Variants in KIF24 observed in about 807,000 individuals in gnomAD.
KIF24 encodes kinesin family member 24, also known as kinesin-like protein KIF24.
KIF24 carries 81 observed loss-of-function variants against 118.9 expected under a neutral mutation model. The observed-to-expected ratio is 0.68, with a 90% confidence interval of 0.57 to 0.82. The LOEUF (loss-of-function observed/expected upper bound fraction) is 0.82, where lower values mean the gene tolerates loss of function less well. KIF24 is among the 40% of genes least tolerant of loss of function. The probability of loss-of-function intolerance (pLI) is 0.00; values close to 1 mark genes in which losing one functional copy is unlikely to be tolerated. For synonymous variants in KIF24, 599 were observed against 610.0 expected (o/e 0.98, Z 0.27); for missense variants, 1,560 against 1,661.6 (o/e 0.94, Z 1.06).
intron 6 of KIF24, chr9:34,282,577 A>G (rs1319038849): frequency 1.3e-5 from 2 of 152,186 alleles, no homozygotes; most frequent in Non-Finnish European, 1.5e-5. Flanking sequence ...GAGCGGACAG[A>G]GCAAGCTCCT....
Position 34,309,969 on chromosome 9 carries a change from C to CCT in KIF24, c.623+754_623+755insAG, listed in dbSNP as rs551757834. The stretch of plus-strand genomic sequence containing the variant: ...AATGTTTAAAATAAAACAAGGAGTA[C>CCT]TTTTTTTTTTTTTTTACAAGATTAA... On this transcript the variant is annotated intron_variant, in intron 2 of 12. Transcript: ENST00000402558. Among the ~76,000 whole-genome samples the CCT allele has an allele frequency of 6.4e-4, 79 of 123,434 alleles. 1 individual carries two copies. Among genetic ancestry groups the CCT allele is most frequent in the East Asian group, 4.1e-3 (13 of 3,144 alleles). The allele number at this position is 123,434 out of a possible 152,430, so 81.0% of individuals were successfully genotyped here. A position where few individuals can be genotyped will look rare whatever the true frequency, so the allele number is the denominator to read the frequency against.
chr9:34,254,092 G>T lies in KIF24; in HGVS notation c.*288C>A. 3.3e-6 allele frequency: 1 copy of T among 299,726 alleles called. No individual in the cohort carries two copies. Among genetic ancestry groups the T allele is most frequent in the Non-Finnish European group, 6.1e-6 (1 of 163,784 alleles). The allele number at this position is 299,726 out of a possible 1,614,324, so 18.6% of individuals were successfully genotyped here. On this transcript the variant is annotated 3_prime_UTR_variant, in exon 13 of 13. Transcript: ENST00000402558. ...GACCCAAATATATTCCCACAGGCAAGGGGTTAGTTAATCATATTCTCTAGG... is the reference window on the plus strand; with the variant it reads ...GACCCAAATATATTCCCACAGGCAATGGGTTAGTTAATCATATTCTCTAGG...
intron 1 of KIF24, among the ~76,000 whole-genome samples, chr9:34,314,797 T>C (rs1444664839): frequency 6.6e-6 from 1 of 152,186 alleles, no homozygotes; most frequent in Middle Eastern, 3.2e-3. Flanking sequence ...TGAAATAAAT[T>C]ATGATAGTCC....
chr9:34,282,938 G>A (rs1835900919), intron 6 of KIF24, among the ~76,000 whole-genome samples: 2 of 149,600 alleles, frequency 1.3e-5, no homozygotes, highest in Admixed American at 1.4e-4. Flanking sequence ...TGTAATCCCA[G>A]CCACTCAGGA....
chr9:34,280,283 C>CAAAAAAAAAAAA (rs56387532), intron 6 of KIF24, among the ~76,000 whole-genome samples: 3 of 64,456 alleles, frequency 4.7e-5, no homozygotes, highest in African/African-American at 8.2e-5. Context: ...GACTCCGTCT[C>CAAAAAAAAAAAA]AAAAAAAAAA....
At chr9:34,295,932 AC>A (rs1836451645) in intron 4 of KIF24, among the ~76,000 whole-genome samples, 1 of 152,086 alleles carries the variant, frequency 6.6e-6, no homozygotes, top group Non-Finnish European at 1.5e-5. Context: ...ACTTAAAAAT[AC>A]ATCTGGCCGG....
chr9:34,326,481 T>TA (rs1424564434), intron 1 of KIF24, among the ~76,000 whole-genome samples: 1 of 152,218 alleles, frequency 6.6e-6, no homozygotes, highest in African/African-American at 2.4e-5. Context: ...TACCGAAGAA[T>TA]AAAGCCCAGT....
chr9:34,306,352 A>T lies in KIF24; in HGVS notation c.713T>A (p.Val238Glu). 1 of 1,580,300 alleles carries T rather than the reference A, an allele frequency of 6.3e-7. No homozygotes were observed. The highest frequency in any genetic ancestry group is 8.7e-7 in the Non-Finnish European group (1 of 1,149,542). Residue 238 changes from valine (V) to glutamate (E), a missense_variant, in exon 3 of 13, where the codon GTA (valine) becomes GAA (glutamate). Physicochemically the swap from Val to Glu is moderately radical, Grantham distance 121. Coordinates refer to ENST00000402558, the MANE Select transcript of KIF24 (RefSeq NM_194313.4). ...AATAATATTAATTTCTCCACGACGT[A>T]CCTCCCTCATGCCCAGGGGGCGTTT... ...VRKRPLGMREVRRGEINIITV... is the reference protein window; with the variant it reads ...VRKRPLGMREERRGEINIITV...
chr9:34,279,008 G>A (rs951530674), intron 6 of KIF24, among the ~76,000 whole-genome samples: 1 of 152,182 alleles, frequency 6.6e-6, no homozygotes, highest in Non-Finnish European at 1.5e-5. Flanking sequence ...AAAGGCTGAA[G>A]TGGGAGGATC....
chr9:34,272,531 T>G (rs554144473), intron 6 of KIF24, among the ~76,000 whole-genome samples: 5 of 152,376 alleles, frequency 3.3e-5, no homozygotes, highest in African/African-American at 1.2e-4. Flanking sequence ...GCGTCAGGAT[T>G]GGCCTGCAGC....
chr9:34,303,998 T>C (rs545423877), intron 3 of KIF24, among the ~76,000 whole-genome samples: 2 of 152,326 alleles, frequency 1.3e-5, no homozygotes, highest in African/African-American at 2.4e-5. Flanking sequence ...TGAAACAATA[T>C]GGTTTGTTTC....
chr9:34,320,371 T>C (rs1169490066), intron 1 of KIF24, among the ~76,000 whole-genome samples: 2 of 145,808 alleles, frequency 1.4e-5, no homozygotes, highest in African/African-American at 2.5e-5. Context: ...AAATAGGCTA[T>C]AACCAGCCAG....
intron 1 of KIF24, among the ~76,000 whole-genome samples, chr9:34,323,051 C>T (rs906360818): frequency 6.6e-6 from 1 of 152,016 alleles, no homozygotes. Flanking sequence ...ATTTCAAACT[C>T]TAGGGATTCT....
intron 6 of KIF24, among the ~76,000 whole-genome samples, chr9:34,284,889 G>C (rs1024352671): frequency 2.0e-5 from 3 of 152,076 alleles, no homozygotes; most frequent in Admixed American, 6.6e-5. Context: ...AATAAAAAAG[G>C]TTAAATCATT....
intron 3 of KIF24, among the ~76,000 whole-genome samples, chr9:34,302,560 G>A (rs1042204813): frequency 4.0e-5 from 6 of 151,602 alleles, no homozygotes; most frequent in African/African-American, 1.5e-4. Flanking sequence ...CTAACTCCCA[G>A]ATTCAAGTGA....
At chr9:34,267,522 C>G (rs894672273) in intron 8 of KIF24, among the ~76,000 whole-genome samples, 3 of 151,894 alleles carry the variant, frequency 2.0e-5, no homozygotes, top group Admixed American at 1.3e-4. Context: ...AATACATGAG[C>G]CACAAATGCA....
intron 9 of KIF24, among the ~76,000 whole-genome samples, chr9:34,262,846 G>GTC (rs1431698473): frequency 6.6e-6 from 1 of 150,612 alleles, no homozygotes; most frequent in Non-Finnish European, 1.5e-5. Context: ...GGGTGACAGA[G>GTC]TAAGACCCTG....
intron 9 of KIF24, 81 bp downstream of exon 9, chr9:34,263,020 G>T: frequency 9.5e-7 from 1 of 1,055,524 alleles, no homozygotes; most frequent in Non-Finnish European, 1.4e-6. Flanking sequence ...GACAGTGGAT[G>T]CTCGACTGAA....
At chr9:34,285,000 C>T (rs143910174) in intron 6 of KIF24, among the ~76,000 whole-genome samples, 1 of 151,986 alleles carries the variant, frequency 6.6e-6, no homozygotes, top group Non-Finnish European at 1.5e-5. Context: ...TTTGTACTTA[C>T]GTTAATAAAT....
Sources: gnomAD v4.1 joint callset for allele counts (sites outside exome capture counted in the v4.1 genomes callset) on GRCh38, gnomAD v4.1.1 for gene constraint, MANE v1.5 for transcripts, NCBI Gene and HGNC (gene_info 2026-07-23, HGNC 2026-07-21) for gene names.